Variants in ERBB4 observed in about 807,000 individuals in gnomAD.
ERBB4 encodes the protein receptor tyrosine-protein kinase erbB-4.
ERBB4 carries 42 observed loss-of-function variants against 158.0 expected under a neutral mutation model. The ratio of observed to expected loss-of-function variants is 0.27; its 90% CI spans 0.21 to 0.34. The LOEUF (loss-of-function observed/expected upper bound fraction) is 0.34, where lower values mean the gene tolerates loss of function less well. ERBB4 is among the 10% of genes least tolerant of loss of function. The pLI is 1.00. For synonymous variants in ERBB4, 583 were observed against 558.7 expected (o/e 1.04, Z -0.61); for missense variants, 1,333 against 1,624.1 (o/e 0.82, Z 3.08).
At chr2:211,995,112 C>A (rs1460911190) in intron 2 of ERBB4, among the ~76,000 whole-genome samples, 1 of 152,094 alleles carries the variant, frequency 6.6e-6, no homozygotes, top group Non-Finnish European at 1.5e-5. Flanking sequence ...ACACATCTGC[C>A]AAGAGGATTC....
At chr2:212,522,649 C>T (rs1176543232) in intron 1 of ERBB4, among the ~76,000 whole-genome samples, 2 of 151,872 alleles carry the variant, frequency 1.3e-5, no homozygotes, top group African/African-American at 4.8e-5. Context: ...AGACTTACTT[C>T]TTGTTGAGTG....
chr2:211,582,644 G>T (rs1016627798), intron 19 of ERBB4, among the ~76,000 whole-genome samples: 4 of 152,080 alleles, frequency 2.6e-5, no homozygotes, highest in Non-Finnish European at 5.9e-5. Context: ...TAGATTAAAA[G>T]AATTCATATA....
intron 1 of ERBB4, among the ~76,000 whole-genome samples, chr2:212,265,126 T>C (rs2085083098): frequency 6.6e-6 from 1 of 152,228 alleles, no homozygotes; most frequent in South Asian, 2.1e-4. Flanking sequence ...CTCAGGACAC[T>C]ACACTTAACA....
chr2:211,767,304 G>C (rs1163369352), intron 4 of ERBB4, among the ~76,000 whole-genome samples: 2 of 152,176 alleles, frequency 1.3e-5, no homozygotes, highest in East Asian at 3.9e-4. Context: ...ATACTGAATA[G>C]AGTCAGTGTA....
chr2:211,506,777 T>C (rs539036198), intron 20 of ERBB4, among the ~76,000 whole-genome samples: 1 of 152,178 alleles, frequency 6.6e-6, no homozygotes, highest in South Asian at 2.1e-4. Context: ...AAGTGTATAA[T>C]GTTTAAAAAA....
rs1559395766 is a variant in ERBB4 at position 211,665,450 on chromosome 2, G to A, written c.1744C>T (p.His582Tyr). The A allele has an allele frequency of 5.6e-6, 9 of 1,613,884 alleles. No individual in the cohort carries two copies. The highest frequency in any genetic ancestry group is 1.3e-5 in the African/African-American group (1 of 74,854). Residue 582 changes from histidine to tyrosine, a missense_variant, in exon 15 of 28, where the codon CAT (histidine) becomes TAT (tyrosine). Coordinates refer to ENST00000342788, the MANE Select transcript of ERBB4 (RefSeq NM_005235.3). ...ACACAGTTTGGGCCATCTTTAAAAT[G>A]AGAGCACTTTGTACAGTTGTCAGGA... ...PGPDNCTKCS[H>Y]FKDGPNCVEK...
At chr2:211,407,718 G>A (rs940962351) in intron 25 of ERBB4, among the ~76,000 whole-genome samples, 20 of 152,148 alleles carry the variant, frequency 1.3e-4, no homozygotes, top group Non-Finnish European at 2.6e-4. Context: ...GAATAAAAAC[G>A]ACAGAACACA....
intron 3 of ERBB4, among the ~76,000 whole-genome samples, chr2:211,854,194 G>A (rs35369140): frequency 0.22 from 32,926 of 151,822 alleles, 3,688 homozygotes; most frequent in South Asian, 0.33. Flanking sequence ...TGATTATTAG[G>A]ATAGTTTTAT....
chr2:212,224,102 T>G lies in ERBB4; in HGVS notation c.83-99199A>C, dbSNP rs183497380. ...CAAAAACTTTAAATGATATAATCAA[T>G]CATGTTTATTCTCATACAATTAAAT... On this transcript the variant is annotated intron_variant, in intron 1 of 27. Transcript: ENST00000342788. Among the ~76,000 whole-genome samples the G allele has an allele frequency of 2.6e-5, 4 of 152,078 alleles. No individual in the cohort carries two copies. In the East Asian group the frequency reaches 7.7e-4, roughly 29 times the overall value.
chr2:212,038,315 T>C (rs945947539), intron 2 of ERBB4, among the ~76,000 whole-genome samples: 2 of 152,086 alleles, frequency 1.3e-5, no homozygotes, highest in African/African-American at 4.8e-5. Flanking sequence ...AGTTCCTTCA[T>C]GATTAATTGG....
intron 2 of ERBB4, among the ~76,000 whole-genome samples, chr2:212,120,780 G>A (rs1235429186): frequency 6.6e-6 from 1 of 152,114 alleles, no homozygotes; most frequent in Admixed American, 6.5e-5. Context: ...CACTCTTAGA[G>A]GAAGGAAACT....
intron 16 of ERBB4, among the ~76,000 whole-genome samples, chr2:211,645,678 G>C (rs759355242): frequency 2.0e-5 from 3 of 151,762 alleles, no homozygotes; most frequent in South Asian, 2.1e-4. Flanking sequence ...AAAACTTGCA[G>C]CCGTACTTTG....
chr2:211,719,612 T>C (rs13418510), intron 7 of ERBB4, among the ~76,000 whole-genome samples: 23,696 of 151,984 alleles, frequency 0.16, 2,160 homozygotes, highest in East Asian at 0.23. Flanking sequence ...TCCCAGCACT[T>C]TGGGAGGCCG....
rs13423759 is a variant in ERBB4, at chr2:211,381,247, A to C, written c.*2368T>G. 0.047 allele frequency: 10,939 copies of C among 232,278 alleles called. 1,113 individuals carry two copies. Among genetic ancestry groups the C allele is most frequent in the African/African-American group, 0.22 (9,888 of 45,318 alleles). 14.4% of individuals were successfully genotyped at this position (232,278 alleles called of 1,614,324 possible). A position where few individuals can be genotyped will look rare whatever the true frequency, so the allele number is the denominator to read the frequency against. On this transcript the variant is annotated 3_prime_UTR_variant, in exon 28 of 28. Coordinates refer to ENST00000342788, the MANE Select transcript of ERBB4 (RefSeq NM_005235.3). Reference sequence around the variant, plus strand: ...CTCACTTCTTATAGCTTAGAAAAAAACCAACTCCAATGTCTCCAATATTCT... The same window carrying C: ...CTCACTTCTTATAGCTTAGAAAAAACCCAACTCCAATGTCTCCAATATTCT...
intron 2 of ERBB4, among the ~76,000 whole-genome samples, chr2:211,985,229 T>C (rs1026643867): frequency 1.3e-5 from 2 of 152,062 alleles, no homozygotes; most frequent in Admixed American, 6.6e-5. Context: ...GGCAATGATA[T>C]TGATAGTTTT....
chr2:211,795,270 C>A (rs998520891), intron 3 of ERBB4, among the ~76,000 whole-genome samples: 2 of 151,752 alleles, frequency 1.3e-5, no homozygotes, highest in African/African-American at 4.8e-5. Context: ...AGCTCATAAT[C>A]TAGTTTTGTT....
chr2:212,139,177 C>T (rs1359707388), intron 1 of ERBB4, among the ~76,000 whole-genome samples: 2 of 152,080 alleles, frequency 1.3e-5, no homozygotes, highest in African/African-American at 4.8e-5. Flanking sequence ...ATGGAATTCA[C>T]ATCATTCACT....
At chr2:211,850,349 T>A (rs2077688522) in intron 3 of ERBB4, among the ~76,000 whole-genome samples, 1 of 151,896 alleles carries the variant, frequency 6.6e-6, no homozygotes, top group African/African-American at 2.4e-5. Context: ...CATATTCATA[T>A]ACATATTCAA....
At chr2:211,547,048 G>A (rs933723164) in intron 20 of ERBB4, among the ~76,000 whole-genome samples, 4 of 151,880 alleles carry the variant, frequency 2.6e-5, no homozygotes, top group East Asian at 3.9e-4. Flanking sequence ...AACTACACAC[G>A]CACATACACA....
Sources: gnomAD v4.1 joint callset for allele counts (sites outside exome capture counted in the v4.1 genomes callset) on GRCh38, gnomAD v4.1.1 for gene constraint, MANE v1.5 for transcripts, NCBI Gene and HGNC (gene_info 2026-07-23, HGNC 2026-07-21) for gene names.